Variants in PCDH7 observed in about 807,000 individuals in gnomAD.
PCDH7 encodes protocadherin-7.
In PCDH7, 17 loss-of-function variants were observed where a neutral mutation model predicts 58.9. The observed-to-expected ratio is 0.29, with a 90% CI of 0.20 to 0.43. The LOEUF is 0.43. PCDH7 is among the 20% of genes least tolerant of loss of function. PCDH7 has a pLI of 1.00. For missense variants in PCDH7, 1,274 were observed against 1,441.0 expected (o/e 0.88, Z 1.88); for synonymous variants, 664 against 616.4 (o/e 1.08, Z -1.14).
At chr4:30,844,050 G>A (rs566340542) in intron 1 of PCDH7, among the ~76,000 whole-genome samples, 13 of 152,166 alleles carry the variant, frequency 8.5e-5, no homozygotes, top group South Asian at 8.3e-4. Context: ...TGCTTCCAGC[G>A]TCCAGGGAGT....
At chr4:31,058,892 G>A (rs1294283930) in intron 3 of PCDH7, among the ~76,000 whole-genome samples, 2 of 151,946 alleles carry the variant, frequency 1.3e-5, no homozygotes, top group African/African-American at 2.4e-5. Context: ...ACACAGAATT[G>A]TGAAGCTATT....
At chr4:31,001,004 A>G (rs1295275427) in intron 3 of PCDH7, among the ~76,000 whole-genome samples, 1 of 101,314 alleles carries the variant, frequency 9.9e-6, no homozygotes, top group Non-Finnish European at 1.6e-5. Context: ...GAAACTAGGA[A>G]TGTAAGTGGC....
intron 3 of PCDH7, among the ~76,000 whole-genome samples, chr4:31,015,644 C>G (rs1753551149): frequency 6.6e-6 from 1 of 152,070 alleles, no homozygotes; most frequent in Non-Finnish European, 1.5e-5. Flanking sequence ...AAGCCTTTAC[C>G]CATGTCTGCA....
At position 30,723,975 on chromosome 4, in the gene PCDH7, C is replaced by T. The variant is rs369895898; in HGVS notation, c.2553C>T (p.Ser851=). 2.5e-6 allele frequency: 4 copies of T among 1,614,098 alleles called. No homozygotes were observed. In the African/African-American group the frequency reaches 4.0e-5, roughly 16 times the overall value. The change falls in exon 1 of 2, where the codon TCC becomes TCT. Residue 851 remains serine (S), a synonymous_variant. Coordinates refer to ENST00000361762, the Ensembl canonical transcript of PCDH7. This position sits in a 1 kb window ranked among gnomAD's most constrained non-coding sequence, Gnocchi z 4.6. Reference sequence around the variant, plus strand: ...TTTCTAATGCAACTGCGATTGACTCCCAGATAGCTAGAAGTTTGCACATCC... The same window carrying T: ...TTTCTAATGCAACTGCGATTGACTCTCAGATAGCTAGAAGTTTGCACATCC...
intron 3 of PCDH7, among the ~76,000 whole-genome samples, chr4:31,092,476 G>A (rs1713382610): frequency 6.6e-6 from 1 of 151,958 alleles, no homozygotes; most frequent in African/African-American, 2.4e-5. Flanking sequence ...ACCATTGAAA[G>A]GGCTCCTAGA....
intron 1 of PCDH7, among the ~76,000 whole-genome samples, chr4:30,806,083 C>G (rs370577899): frequency 6.6e-6 from 1 of 152,162 alleles, no homozygotes; most frequent in Non-Finnish European, 1.5e-5. Context: ...TAGAGCATTT[C>G]GGATTTCAGA....
intron 3 of PCDH7, among the ~76,000 whole-genome samples, chr4:31,105,547 G>A (rs1715448604): frequency 6.6e-6 from 1 of 152,040 alleles, no homozygotes; most frequent in Non-Finnish European, 1.5e-5. Flanking sequence ...GCTCACTCTG[G>A]GGATCAGCAA....
chr4:31,052,685 A>T (rs1275768118), intron 3 of PCDH7, among the ~76,000 whole-genome samples: 1 of 152,186 alleles, frequency 6.6e-6, no homozygotes, highest in Non-Finnish European at 1.5e-5. Context: ...ATATGCAATT[A>T]TAAAAGGAGC....
At chr4:31,004,651 A>C (rs1752624690) in intron 3 of PCDH7, among the ~76,000 whole-genome samples, 1 of 152,138 alleles carries the variant, frequency 6.6e-6, no homozygotes, top group African/African-American at 2.4e-5. Flanking sequence ...CCGACACTGC[A>C]CTCCAGCCTG....
In PCDH7 at chr4:30,770,059, T is replaced by C. The variant is rs76240518; in HGVS notation, c.70+45463T>C. 4.6e-3 allele frequency among the ~76,000 whole-genome samples: 694 copies of C among 152,294 alleles called. 16 individuals are homozygous for C. The East Asian group carries it at 0.073, about 16-fold the overall frequency. Reference sequence around the variant, plus strand: ...CACCCATTGAATTTATTAAGAGTGGTGTACTCGTAATGGCCATTGGAACAG... The same window carrying C: ...CACCCATTGAATTTATTAAGAGTGGCGTACTCGTAATGGCCATTGGAACAG... On this transcript the variant is annotated intron_variant, in intron 1 of 3. Coordinates refer to the PCDH7 transcript ENST00000509759.
chr4:30,737,131 T>C (rs1222103031), downstream of PCDH7, among the ~76,000 whole-genome samples: 1 of 152,172 alleles, frequency 6.6e-6, no homozygotes, highest in Non-Finnish European at 1.5e-5. Context: ...TGGTGTGACC[T>C]TGTGAAGTCC....
At chr4:30,799,176 G>T (rs115639370) in intron 1 of PCDH7, among the ~76,000 whole-genome samples, 95 of 152,118 alleles carry the variant, frequency 6.2e-4, no homozygotes, top group African/African-American at 2.2e-3. Context: ...AGATGCTTCT[G>T]CCTGGATGTT....
chr4:31,144,858 A>G (rs564110459), downstream of PCDH7: 1 of 152,274 alleles, frequency 6.6e-6, no homozygotes, highest in African/African-American at 2.4e-5. Flanking sequence ...TTTATGTTTG[A>G]TTATTATTTA....
intron 1 of PCDH7, among the ~76,000 whole-genome samples, chr4:30,854,820 G>T (rs534368243): frequency 1.3e-5 from 2 of 152,038 alleles, no homozygotes; most frequent in Non-Finnish European, 2.9e-5. Flanking sequence ...GTAGTGGGAT[G>T]ATGGCCATAA....
chr4:30,943,724 G>GTT (rs112954030), intron 2 of PCDH7, among the ~76,000 whole-genome samples: 14 of 138,846 alleles, frequency 1.0e-4, no homozygotes, highest in African/African-American at 3.4e-4. Flanking sequence ...TTTTTTTGCT[G>GTT]TTTTTTTTTT....
chr4:30,987,969 C>T (rs2109119391), intron 3 of PCDH7, among the ~76,000 whole-genome samples: 1 of 152,150 alleles, frequency 6.6e-6, no homozygotes. Context: ...TGGTCACTCA[C>T]CAGGTCACTG....
In PCDH7 at chr4:30,763,497, G is replaced by T. The variant is rs1262244394; in HGVS notation, c.70+38901G>T. Among the ~76,000 whole-genome samples the T allele has an allele frequency of 2.0e-5, 3 of 152,144 alleles. No homozygotes were observed. The East Asian group carries it at 5.8e-4, about 29-fold the overall frequency. On this transcript the variant is annotated intron_variant, in intron 1 of 3. Coordinates refer to the PCDH7 transcript ENST00000509759. ...TACTTATATGTAAGATAAACACGGA[G>T]GCTTAGAAACTTCTCAACATTGAGG...
intron 1 of PCDH7, among the ~76,000 whole-genome samples, chr4:30,804,040 A>G (rs1725866260): frequency 6.6e-6 from 1 of 152,226 alleles, no homozygotes; most frequent in Admixed American, 6.5e-5. Flanking sequence ...CTCATGGCCT[A>G]ATCGCCTCCT....
chr4:31,101,913 A>C (rs375276238), intron 3 of PCDH7, among the ~76,000 whole-genome samples: 2 of 152,192 alleles, frequency 1.3e-5, no homozygotes, highest in South Asian at 4.1e-4. Flanking sequence ...AAATGAAAGG[A>C]CATGGTAGGA....
Sources: allele counts gnomAD v4.1 joint callset (sites outside exome capture counted in the v4.1 genomes callset), GRCh38; gene constraint gnomAD v4.1.1; non-coding constraint Gnocchi (gnomAD v3.1); transcripts MANE v1.5; gene names NCBI Gene and HGNC (gene_info 2026-07-23, HGNC 2026-07-21).